Variants in CLTCL1 observed in about 807,000 individuals in gnomAD.
The protein encoded by CLTCL1 is clathrin heavy chain like 1, also known as clathrin heavy chain 2.
CLTCL1 carries 159 observed loss-of-function variants against 190.0 expected under a neutral mutation model. The observed-to-expected ratio is 0.84, with a 90% confidence interval of 0.74 to 0.95. The LOEUF (loss-of-function observed/expected upper bound fraction) is 0.95. CLTCL1 is among the 40% of genes least tolerant of loss of function. CLTCL1 has a pLI of 0.00. For synonymous variants in CLTCL1, 752 were observed against 769.6 expected, an observed-to-expected ratio of 0.98 and a Z score of 0.38; for missense variants, 1,878 against 2,033.4, an observed-to-expected ratio of 0.92 and a Z score of 1.47.
Position 19,221,427 on chromosome 22 carries a change from G to T in CLTCL1, c.2746C>A (p.Leu916Met). ...GRYCEKRDPH[L>M]ACVAYERGQC... ...CCCCGCTCATAGGCAACACAGGCCA[G>T]ATGGGGGTCTCGCTTCTCACAGTAG... Residue 916 changes from leucine to methionine, a missense_variant, in exon 17 of 33, where the codon CTG becomes ATG. Physicochemically the swap from Leu to Met is conservative, Grantham distance 15. Transcript: ENST00000427926. The T allele has an allele frequency of 6.4e-7, 1 of 1,564,304 alleles. No individual in the cohort carries two copies. Among genetic ancestry groups the T allele is most frequent in the Non-Finnish European group, 8.7e-7 (1 of 1,153,872 alleles).
intron 22 of CLTCL1, chr22:19,207,388 G>C (rs2085083674): frequency 2.5e-6 from 1 of 393,142 alleles, no homozygotes; most frequent in Middle Eastern, 6.4e-4. Context: ...TTTTCTTGTA[G>C]TAAACAGAAC....
At chr22:19,210,797 G>A (rs2085195457) in intron 19 of CLTCL1, among the ~76,000 whole-genome samples, 1 of 152,178 alleles carries the variant, frequency 6.6e-6, no homozygotes, top group Admixed American at 6.5e-5. Context: ...GGATCCTGCT[G>A]TAGAGGTACC....
intron 22 of CLTCL1, among the ~76,000 whole-genome samples, chr22:19,205,326 A>G (rs2085017058): frequency 6.6e-6 from 1 of 152,130 alleles, no homozygotes; most frequent in Non-Finnish European, 1.5e-5. Flanking sequence ...CCTGGGCAAC[A>G]TGGTGAAACC....
chr22:19,256,307 A>G (rs2146107679), intron 2 of CLTCL1, among the ~76,000 whole-genome samples: 1 of 147,760 alleles, frequency 6.8e-6, no homozygotes, highest in East Asian at 2.0e-4. Flanking sequence ...ATAGGCATGC[A>G]CTGCCACACT....
rs1555971527 is a variant in CLTCL1 at position 19,254,235 on chromosome 22, T to C, written c.251-8A>G. 6.2e-7 allele frequency: 1 copy of C among 1,605,238 alleles called. No individual in the cohort carries two copies. Among genetic ancestry groups the C allele is most frequent in the Admixed American group, 1.7e-5 (1 of 59,820 alleles). On this transcript the variant is annotated splice_region_variant and splice_polypyrimidine_tract_variant and intron_variant, in intron 2 of 32. Coordinates refer to ENST00000427926, the MANE Select transcript of CLTCL1 (RefSeq NM_007098.4). ...TCTGAAGTGTCTTCCCAGCTAGTAT[T>C]TGATATAATAGAGATTAGAGAAAGA...
intron 3 of CLTCL1, among the ~76,000 whole-genome samples, chr22:19,249,722 C>T (rs891561713): frequency 1.3e-5 from 2 of 151,870 alleles, no homozygotes; most frequent in Non-Finnish European, 2.9e-5. Flanking sequence ...AAAGAAATAA[C>T]CTTGAGTAAA....
intron 6 of CLTCL1, 34 bp downstream of exon 6, chr22:19,235,662 A>G: frequency 6.3e-7 from 1 of 1,591,144 alleles, no homozygotes; most frequent in Non-Finnish European, 8.6e-7. Flanking sequence ...TAATGAATGG[A>G]AAAGGTAGAA....
At chr22:19,206,827 CTCT>C (rs2085064841) in intron 22 of CLTCL1, among the ~76,000 whole-genome samples, 1 of 152,106 alleles carries the variant, frequency 6.6e-6, no homozygotes, top group African/African-American at 2.4e-5. Flanking sequence ...ATTCCATTAT[CTCT>C]TCATGTCTCT....
intron 2 of CLTCL1, among the ~76,000 whole-genome samples, chr22:19,259,349 G>C (rs1286907203): frequency 6.6e-6 from 1 of 152,022 alleles, no homozygotes; most frequent in South Asian, 2.1e-4. Flanking sequence ...CAGGTGATCT[G>C]CCCGCCTCGG....
At position 19,180,248 on chromosome 22, in the gene CLTCL1, C is replaced by T. The variant is rs377159014; in HGVS notation, c.4904-10G>A. On this transcript the variant is annotated splice_polypyrimidine_tract_variant and intron_variant, in intron 31 of 32. Coordinates refer to ENST00000427926, the MANE Select transcript of CLTCL1 (RefSeq NM_007098.4). Reference sequence around the variant, plus strand: ...TCATGCCCATCAAAATCTAAAAAAACCAGAATGACATTAATGGTGGAAGGA... The same window carrying T: ...TCATGCCCATCAAAATCTAAAAAAATCAGAATGACATTAATGGTGGAAGGA... The T allele has an allele frequency of 6.2e-7, 1 of 1,613,716 alleles. No individual in the cohort carries two copies. The highest frequency in any genetic ancestry group is 8.5e-7 in the Non-Finnish European group (1 of 1,179,818).
At chr22:19,277,719 C>A (rs2087565713) in intron 1 of CLTCL1, among the ~76,000 whole-genome samples, 1 of 152,172 alleles carries the variant, frequency 6.6e-6, no homozygotes, top group Non-Finnish European at 1.5e-5. Flanking sequence ...ACACATCACT[C>A]AACACAAGAC....
chr22:19,291,590 C>A lies in CLTCL1; in HGVS notation c.42+10G>T. On this transcript the variant is annotated intron_variant, in intron 1 of 32. Coordinates refer to ENST00000427926, the MANE Select transcript of CLTCL1 (RefSeq NM_007098.4). ...CTGACAGGGCAGCCCCCCAGCCCGC[C>A]GGGCCTCACCTGGAAGTGCTCCTGA... The A allele has an allele frequency of 7.2e-7, 1 of 1,383,646 alleles. No individual in the cohort carries two copies. The allele number at this position is 1,383,646 out of a possible 1,614,324, so 85.7% of individuals were successfully genotyped here.
chr22:19,258,074 C>A (rs552640690), intron 2 of CLTCL1: 163 of 443,286 alleles, frequency 3.7e-4, no homozygotes, highest in African/African-American at 3.0e-3. Flanking sequence ...CATCCATGGG[C>A]TCTGCAAGGT....
chr22:19,266,537 G>T (rs184689107), intron 2 of CLTCL1, among the ~76,000 whole-genome samples: 2 of 152,268 alleles, frequency 1.3e-5, no homozygotes, highest in Admixed American at 1.3e-4. Flanking sequence ...GATTCTTTCA[G>T]AATATAGAGG....
chr22:19,288,939 T>C (rs1258368545), intron 1 of CLTCL1, among the ~76,000 whole-genome samples: 1 of 152,216 alleles, frequency 6.6e-6, no homozygotes, highest in African/African-American at 2.4e-5. Context: ...CGGCTGGACA[T>C]CACAGAAGAT....
At chr22:19,200,892 T>G (rs1181473025) in intron 23 of CLTCL1, among the ~76,000 whole-genome samples, 1 of 152,084 alleles carries the variant, frequency 6.6e-6, no homozygotes, top group Non-Finnish European at 1.5e-5. Context: ...ACATTAGACC[T>G]TTAGGCTAAT....
In CLTCL1 at chr22:19,235,786, G is replaced by A; in HGVS notation, c.879C>T (p.Ile293=). 2 of 1,613,970 alleles carry A rather than the reference G, an allele frequency of 1.2e-6. No homozygotes were observed. Among genetic ancestry groups the A allele is most frequent in the South Asian group, 2.2e-5 (2 of 91,080 alleles). The change falls in exon 6 of 33, where the codon ATC becomes ATT. Residue 293 remains isoleucine (I), a synonymous_variant. Coordinates refer to ENST00000427926, the MANE Select transcript of CLTCL1 (RefSeq NM_007098.4). ...HLYDLESGVC[I]CMNRISADTI... ...TGTCAGCACTAATACGGTTCATGCA[G>A]ATGCACACGCCAGACTCTAGGTCGT...
Position 19,187,719 on chromosome 22 carries a change from C to T in CLTCL1, c.4444G>A (p.Ala1482Thr), listed in dbSNP as rs117414027. 4.7e-5 allele frequency: 76 copies of T among 1,613,524 alleles called. No individual in the cohort carries two copies. The East Asian group carries it at 1.6e-3, about 35-fold the overall frequency. ...AAGTTGTCATAGGCATCGATAGATG[C>T]CCTTAAGCCCTAGGAAGACAGCCTT... Reference protein sequence around the residue: ...TEEEDYQGLRASIDAYDNFDN... With the variant: ...TEEEDYQGLRTSIDAYDNFDN... Residue 1482 changes from alanine to threonine, a missense_variant, in exon 29 of 33, where the codon GCA becomes ACA. Ala to Thr is a moderately conservative substitution (Grantham distance 58). Transcript: ENST00000427926.
chr22:19,213,196 G>A (rs868948747), intron 19 of CLTCL1, among the ~76,000 whole-genome samples: 2 of 152,172 alleles, frequency 1.3e-5, no homozygotes, highest in Non-Finnish European at 2.9e-5. Context: ...GAGGATCTAC[G>A]GATGGTAACT....
Sources: allele counts gnomAD v4.1 joint callset (sites outside exome capture counted in the v4.1 genomes callset), GRCh38; gene constraint gnomAD v4.1.1; transcripts MANE v1.5; gene names NCBI Gene and HGNC (gene_info 2026-07-23, HGNC 2026-07-21).